Variants in BMPR1A observed in about 807,000 individuals in gnomAD.
BMPR1A encodes bone morphogenetic protein receptor type-1A.
BMPR1A carries 7 observed loss-of-function variants against 66.0 expected under a neutral mutation model. The ratio of observed to expected loss-of-function variants is 0.11; its 90% CI spans 0.06 to 0.20. BMPR1A has a LOEUF of 0.20. BMPR1A is among the 10% of genes least tolerant of loss of function. The pLI is 1.00. For synonymous variants in BMPR1A, 200 were observed against 229.7 expected (o/e 0.87, Z 1.17); for missense variants, 408 against 669.1 (o/e 0.61, Z 4.31).
chr10:86,815,101 A>C (rs559967109), intron 1 of BMPR1A, among the ~76,000 whole-genome samples: 3 of 152,102 alleles, frequency 2.0e-5, no homozygotes, highest in Admixed American at 1.3e-4. Context: ...ATTTTCTTAT[A>C]ATAACTTCTA....
intron 1 of BMPR1A, among the ~76,000 whole-genome samples, chr10:86,779,871 G>A (rs1183401926): frequency 6.6e-6 from 1 of 152,128 alleles, no homozygotes; most frequent in African/African-American, 2.4e-5. Flanking sequence ...CAAAGTGCTG[G>A]GACTACAGGT....
chr10:86,883,025 A>T (rs1205376660), intron 3 of BMPR1A, among the ~76,000 whole-genome samples: 1 of 152,164 alleles, frequency 6.6e-6, no homozygotes, highest in Non-Finnish European at 1.5e-5. Context: ...TTTCAAGCAT[A>T]TGTCTAAGTA....
rs549460756 is a variant in BMPR1A, at chr10:86,760,198, T to G, written c.-268+3279T>G. On this transcript the variant is annotated intron_variant, in intron 1 of 12. Transcript: ENST00000372037. The stretch of plus-strand genomic sequence containing the variant: ...GCCTCAGATTTACCTGTTTTTTTTT[T>G]TTTTTTTTTTTAATACCTTATTGTT... Among the ~76,000 whole-genome samples the G allele has an allele frequency of 2.5e-4, 37 of 148,962 alleles. 1 individual carries two copies. Among genetic ancestry groups the G allele is most frequent in the African/African-American group, 7.6e-4 (31 of 40,850 alleles).
intron 3 of BMPR1A, among the ~76,000 whole-genome samples, chr10:86,879,320 C>G (rs1842958320): frequency 6.6e-6 from 1 of 152,198 alleles, no homozygotes; most frequent in Non-Finnish European, 1.5e-5. Context: ...CACTTCCTCT[C>G]CCCAACAGAC....
intron 1 of BMPR1A, among the ~76,000 whole-genome samples, chr10:86,805,461 C>CTTTTT (rs1332479141): frequency 0.04 from 4,334 of 108,952 alleles, 385 homozygotes; most frequent in South Asian, 0.058. Flanking sequence ...TTTCAGTTTC[C>CTTTTT]TTTTTTTTTT....
At chr10:86,890,602 AT>A (rs201362166) in intron 4 of BMPR1A, among the ~76,000 whole-genome samples, 8 of 150,320 alleles carry the variant, frequency 5.3e-5, no homozygotes, top group East Asian at 1.9e-4. Flanking sequence ...TTAAAAAAAA[AT>A]TTTTTTTTTA....
At chr10:86,888,423 G>A (rs1843099872) in intron 3 of BMPR1A, among the ~76,000 whole-genome samples, 1 of 152,074 alleles carries the variant, frequency 6.6e-6, no homozygotes, top group South Asian at 2.1e-4. Flanking sequence ...AGTCGAGATT[G>A]CACCAGTGCA....
At chr10:86,860,208 G>C (rs1418737971) in intron 2 of BMPR1A, among the ~76,000 whole-genome samples, 1 of 151,996 alleles carries the variant, frequency 6.6e-6, no homozygotes, top group Non-Finnish European at 1.5e-5. Flanking sequence ...ATATTTATAG[G>C]ATAAAACACT....
intron 2 of BMPR1A, among the ~76,000 whole-genome samples, chr10:86,845,889 C>T (rs1022995404): frequency 8.6e-5 from 13 of 151,284 alleles, no homozygotes; most frequent in Non-Finnish European, 1.9e-4. Context: ...CCCAGCTACT[C>T]GGGAGGCTGA....
chr10:86,890,842 T>G lies in BMPR1A; in HGVS notation c.230+618T>G, dbSNP rs374555607. 2.2e-4 allele frequency among the ~76,000 whole-genome samples: 33 copies of G among 152,338 alleles called. 1 individual carries two copies. In the East Asian group the frequency reaches 5.8e-3, roughly 27 times the overall value. On this transcript the variant is annotated intron_variant, in intron 4 of 12. Coordinates refer to ENST00000372037, the MANE Select transcript of BMPR1A (RefSeq NM_004329.3). ...GTGAATTTACCAATCCAAATCTGAT[T>G]TATAAAATGATTTTAATTTTTCTAG...
chr10:86,762,440 C>G (rs1224797130), intron 1 of BMPR1A, among the ~76,000 whole-genome samples: 2 of 152,074 alleles, frequency 1.3e-5, no homozygotes, highest in Non-Finnish European at 2.9e-5. Context: ...CTCACTGCAA[C>G]CTCCGCCTCC....
intron 3 of BMPR1A, among the ~76,000 whole-genome samples, chr10:86,882,149 G>GT (rs1288955109): frequency 6.6e-6 from 1 of 152,184 alleles, no homozygotes; most frequent in Non-Finnish European, 1.5e-5. Flanking sequence ...GTATGGGTAT[G>GT]TGTGGGTTCA....
chr10:86,924,589 G>A lies in BMPR1A; in HGVS notation c.*870G>A, dbSNP rs1475963659. On this transcript the variant is annotated 3_prime_UTR_variant, in exon 13 of 13. Coordinates refer to ENST00000372037, the MANE Select transcript of BMPR1A (RefSeq NM_004329.3). ...TGGAGCTTCTATTGCCATGAACCAT[G>A]CTTACAAAGAAAGCACTTCTTATTG... 1 of 233,468 alleles carries A rather than the reference G, an allele frequency of 4.3e-6. No homozygotes were observed. The allele number at this position is 233,468 out of a possible 1,614,324, so 14.5% of individuals were successfully genotyped here.
intron 1 of BMPR1A, among the ~76,000 whole-genome samples, chr10:86,818,470 C>A (rs970267018): frequency 6.6e-6 from 1 of 151,960 alleles, no homozygotes; most frequent in Non-Finnish European, 1.5e-5. Flanking sequence ...AATTTTAGGG[C>A]GCAGATGAAG....
chr10:86,912,419 G>A (rs1564722033), intron 8 of BMPR1A, 35 bp downstream of exon 8: 1 of 1,612,126 alleles, frequency 6.2e-7, no homozygotes, highest in Non-Finnish European at 8.5e-7. Flanking sequence ...TGAATGGTGT[G>A]TTGATTTAGA....
chr10:86,832,910 T>C lies in BMPR1A; in HGVS notation c.-267-5955T>C, dbSNP rs561099386. On this transcript the variant is annotated intron_variant, in intron 1 of 12. Transcript: ENST00000372037. ...ATCTTTGTGTGGGCACATATTTCTC[T>C]TGGGAAAAGGAAATTTTGGATCCTG... Among the ~76,000 whole-genome samples, 4 of 152,292 alleles carry C rather than the reference T, an allele frequency of 2.6e-5. No homozygotes were observed. In the South Asian group the frequency reaches 8.3e-4, roughly 32 times the overall value.
At chr10:86,931,298 C>CACACATATATAT, downstream of BMPR1A, 227 of 90,892 alleles carry the variant, frequency 2.5e-3, 13 homozygotes, top group East Asian at 0.021. Flanking sequence ...CACACACACA[C>CACACATATATAT]ATATATATAT....
intron 2 of BMPR1A, among the ~76,000 whole-genome samples, chr10:86,867,061 A>G (rs965356349): frequency 1.3e-5 from 2 of 152,180 alleles, no homozygotes; most frequent in African/African-American, 2.4e-5. Context: ...AATCTGCACA[A>G]AATACCTAGA....
intron 5 of BMPR1A, among the ~76,000 whole-genome samples, chr10:86,892,866 A>G (rs1014359464): frequency 4.6e-5 from 7 of 151,102 alleles, no homozygotes; most frequent in Admixed American, 3.9e-4. Flanking sequence ...CTGTCTCAAA[A>G]AAAAAAAAAA....
Sources: allele counts gnomAD v4.1 joint callset (sites outside exome capture counted in the v4.1 genomes callset), GRCh38; gene constraint gnomAD v4.1.1; transcripts MANE v1.5; gene names NCBI Gene and HGNC (gene_info 2026-07-23, HGNC 2026-07-21).